RAPGEF6: variants seen among roughly 807,000 people sequenced by gnomAD.
RAPGEF6 encodes Rap guanine nucleotide exchange factor 6.
Under a neutral mutation model 171.4 loss-of-function variants are expected in RAPGEF6, and 56 were observed. That is an observed-to-expected ratio of 0.33 (90% CI 0.26 to 0.41). The LOEUF (loss-of-function observed/expected upper bound fraction) is 0.41, where lower values mean the gene tolerates loss of function less well. RAPGEF6 is among the 10% of genes least tolerant of loss of function. The pLI, the probability that RAPGEF6 is intolerant of heterozygous loss-of-function variation, is 1.00. For synonymous variants in RAPGEF6, 692 were observed against 650.1 expected, an observed-to-expected ratio of 1.06 and a Z score of -0.98; for missense variants, 1,674 against 1,921.4, an observed-to-expected ratio of 0.87 and a Z score of 2.41.
At chr5:131,571,569 G>C (rs1447177069) in intron 4 of RAPGEF6, among the ~76,000 whole-genome samples, 1 of 152,138 alleles carries the variant, frequency 6.6e-6, no homozygotes, top group African/African-American at 2.4e-5. Context: ...AGAAATTAAA[G>C]ACCTAAATAA....
chr5:131,591,702 G>A (rs1763602192), intron 4 of RAPGEF6, among the ~76,000 whole-genome samples: 1 of 152,026 alleles, frequency 6.6e-6, no homozygotes, highest in African/African-American at 2.4e-5. Context: ...ACTAAAATTT[G>A]TCCAAAGTCA....
At chr5:131,464,810 T>C (rs1754216334) in intron 17 of RAPGEF6, among the ~76,000 whole-genome samples, 1 of 152,192 alleles carries the variant, frequency 6.6e-6, no homozygotes, top group Non-Finnish European at 1.5e-5. Context: ...AAGGCACGCA[T>C]ACTTTTAAGG....
chr5:131,544,421 T>C (rs1383020589), intron 6 of RAPGEF6, among the ~76,000 whole-genome samples: 3 of 151,912 alleles, frequency 2.0e-5, no homozygotes, highest in Non-Finnish European at 4.4e-5. Context: ...AAAATCATTA[T>C]AATGTGTGAA....
rs1197722241 is a variant in RAPGEF6, at chr5:131,548,162, C to T, written c.380G>A (p.Ser127Asn). ...VVENAKDNED[S>N]ILQREIPARQ... ...GGCAGGAATTTCTCTTTGTAGAATA[C>T]TATCTTCATTATCTTTGGCATTCTC... Residue 127 changes from serine (S) to asparagine (N), a missense_variant, in exon 6 of 28, where the codon AGT (serine) becomes AAT (asparagine). Ser to Asn is a conservative substitution (Grantham distance 46, BLOSUM62 1). Coordinates refer to ENST00000509018, the MANE Select transcript of RAPGEF6 (RefSeq NM_016340.6). 1.2e-6 allele frequency: 2 copies of T among 1,613,724 alleles called. No homozygotes were observed. Among genetic ancestry groups the T allele is most frequent in the Non-Finnish European group, 1.7e-6 (2 of 1,179,896 alleles).
intron 1 of RAPGEF6, among the ~76,000 whole-genome samples, chr5:131,623,476 GC>G (rs1306816811): frequency 8.1e-6 from 1 of 122,794 alleles, no homozygotes; most frequent in Non-Finnish European, 1.6e-5. Context: ...TTTTCACATT[GC>G]TTTTTTTTTT....
intron 19 of RAPGEF6, among the ~76,000 whole-genome samples, chr5:131,461,118 G>C (rs535280726): frequency 5.3e-5 from 8 of 152,168 alleles, no homozygotes; most frequent in African/African-American, 1.9e-4. Flanking sequence ...GAGAGCTCAC[G>C]TAATTATCTA....
chr5:131,464,517 T>A (rs897129094), intron 17 of RAPGEF6, among the ~76,000 whole-genome samples: 15 of 151,818 alleles, frequency 9.9e-5, no homozygotes, highest in Non-Finnish European at 2.9e-5. Context: ...ACTATATATA[T>A]GGTTTGGAAG....
chr5:131,583,673 C>T (rs934017220), intron 4 of RAPGEF6, among the ~76,000 whole-genome samples: 1 of 152,174 alleles, frequency 6.6e-6, no homozygotes, highest in African/African-American at 2.4e-5. Flanking sequence ...TAACTCCTGC[C>T]TCCCTGAAAT....
At chr5:131,458,713 G>A (rs1753697259) in intron 19 of RAPGEF6, among the ~76,000 whole-genome samples, 1 of 152,202 alleles carries the variant, frequency 6.6e-6, no homozygotes, top group East Asian at 1.9e-4. Flanking sequence ...GAGTGCAGTG[G>A]CATGATCTTG....
chr5:131,542,469 G>C (rs1760216012), intron 6 of RAPGEF6, among the ~76,000 whole-genome samples: 1 of 152,132 alleles, frequency 6.6e-6, no homozygotes, highest in Non-Finnish European at 1.5e-5. Context: ...TAAGCAAGCT[G>C]ACAGAACAGG....
chr5:131,602,693 G>A (rs1434580591), intron 3 of RAPGEF6, among the ~76,000 whole-genome samples: 11 of 152,034 alleles, frequency 7.2e-5, no homozygotes, highest in Non-Finnish European at 1.2e-4. Flanking sequence ...CCTGGGAGGC[G>A]GAAGTTGCAG....
intron 6 of RAPGEF6, among the ~76,000 whole-genome samples, chr5:131,536,858 T>C (rs796651350): frequency 6.6e-6 from 1 of 152,184 alleles, no homozygotes; most frequent in Non-Finnish European, 1.5e-5. Flanking sequence ...GAGTAACATA[T>C]ATAAATGATA....
intron 14 of RAPGEF6, 68 bp downstream of exon 14, chr5:131,492,514 G>A: frequency 6.8e-7 from 1 of 1,474,800 alleles, no homozygotes; most frequent in South Asian, 1.1e-5. Flanking sequence ...TCTGGAAGAT[G>A]AGAACAAAAG....
chr5:131,511,026 G>T (rs1358788568), intron 7 of RAPGEF6, among the ~76,000 whole-genome samples: 2 of 152,074 alleles, frequency 1.3e-5, no homozygotes. Flanking sequence ...CATCGTAAAG[G>T]ACTGAACAAA....
At chr5:131,629,163 A>T (rs1420241366) in intron 1 of RAPGEF6, among the ~76,000 whole-genome samples, 1 of 152,170 alleles carries the variant, frequency 6.6e-6, no homozygotes, top group Non-Finnish European at 1.5e-5. Context: ...TCTTGAAATG[A>T]TTCATCATTC....
chr5:131,527,074 A>G (rs1758918446), intron 6 of RAPGEF6, among the ~76,000 whole-genome samples: 1 of 152,148 alleles, frequency 6.6e-6, no homozygotes. Flanking sequence ...AAGGGCAGTG[A>G]TATAAGAGCT....
At chr5:131,619,331 G>A (rs1309343894) in intron 1 of RAPGEF6, among the ~76,000 whole-genome samples, 1 of 151,934 alleles carries the variant, frequency 6.6e-6, no homozygotes, top group Non-Finnish European at 1.5e-5. Context: ...GCTGGAGGGC[G>A]GGGGGGCATA....
Position 131,510,500 on chromosome 5 carries a change from A to C in RAPGEF6, c.628-9T>G. The stretch of plus-strand genomic sequence containing the variant: ...ACCTCACTCTCCGTAGCCTATGAAA[A>C]GAAATCTTGATCACTTACCATTTCA... On this transcript the variant is annotated splice_polypyrimidine_tract_variant and intron_variant, in intron 7 of 27. Coordinates refer to ENST00000509018, the MANE Select transcript of RAPGEF6 (RefSeq NM_016340.6). 1 of 1,608,122 alleles carries C rather than the reference A, an allele frequency of 6.2e-7. No individual in the cohort carries two copies.
In RAPGEF6 at chr5:131,424,427, T is replaced by C. The variant is rs1268150843; in HGVS notation, c.*2839A>G. On this transcript the variant is annotated 3_prime_UTR_variant, in exon 28 of 28. Transcript: ENST00000509018. The stretch of plus-strand genomic sequence containing the variant: ...GGAATACATATACTTTAATATCACC[T>C]TTTTTAGAAACTTAAAATTGAATCA... 1 of 152,374 alleles carries C rather than the reference T, an allele frequency of 6.6e-6. No individual in the cohort carries two copies. The highest frequency in any genetic ancestry group is 1.5e-5 in the Non-Finnish European group (1 of 68,042). 9.4% of individuals were successfully genotyped at this position (152,374 alleles called of 1,614,324 possible).
Sources: gnomAD v4.1 joint callset for allele counts (sites outside exome capture counted in the v4.1 genomes callset) on GRCh38, gnomAD v4.1.1 for gene constraint, MANE v1.5 for transcripts, NCBI Gene and HGNC (gene_info 2026-07-23, HGNC 2026-07-21) for gene names.